SMYD3: variants seen among roughly 807,000 people sequenced by gnomAD.
SMYD3 encodes the protein SET and MYND domain containing 3.
SMYD3 carries 36 observed loss-of-function variants against 57.7 expected under a neutral mutation model. The observed-to-expected ratio is 0.62, with a 90% CI of 0.48 to 0.82. SMYD3 has a LOEUF of 0.82. Ranked by LOEUF, SMYD3 falls within the 40% of genes least tolerant of loss-of-function variation. The pLI is 0.00. For synonymous variants in SMYD3, 211 were observed against 195.0 expected, an observed-to-expected ratio of 1.08 and a Z score of -0.68; for missense variants, 515 against 538.8, an observed-to-expected ratio of 0.96 and a Z score of 0.44.
intron 1 of SMYD3, among the ~76,000 whole-genome samples, chr1:246,385,377 T>C (rs538873529): frequency 9.9e-5 from 15 of 152,176 alleles, no homozygotes; most frequent in African/African-American, 3.4e-4. Context: ...TTATTCTTAA[T>C]ACTTAAAATT....
At chr1:246,015,022 C>T (rs576669489) in intron 5 of SMYD3, among the ~76,000 whole-genome samples, 6 of 152,246 alleles carry the variant, frequency 3.9e-5, no homozygotes, top group African/African-American at 1.2e-4. Context: ...ATCTGCTTTG[C>T]GGGCCCAACA....
chr1:246,242,286 T>C (rs1272397508), intron 5 of SMYD3, among the ~76,000 whole-genome samples: 1 of 152,196 alleles, frequency 6.6e-6, no homozygotes, highest in African/African-American at 2.4e-5. Context: ...TTCTGGCATG[T>C]TGTGTCTTCG....
In SMYD3 at chr1:246,355,222, T is replaced by G; in HGVS notation, c.165-128A>C. ...TGTTTACTCCATTATGTACAGTCCC[T>G]TAAGATTTGGATTTTCACACTGATG... On this transcript the variant is annotated intron_variant, in intron 1 of 11. Transcript: ENST00000490107. This position sits in a 1 kb window ranked among gnomAD's most constrained non-coding sequence, Gnocchi z 5.0. 1 of 866,048 alleles carries G rather than the reference T, an allele frequency of 1.2e-6. No homozygotes were observed. The highest frequency in any genetic ancestry group is 1.8e-6 in the Non-Finnish European group (1 of 554,360). 53.6% of individuals were successfully genotyped at this position (866,048 alleles called of 1,614,324 possible).
intron 5 of SMYD3, among the ~76,000 whole-genome samples, chr1:246,201,131 G>A (rs753343032): frequency 2.0e-5 from 3 of 152,084 alleles, no homozygotes; most frequent in African/African-American, 4.8e-5. Flanking sequence ...TGATACCAAC[G>A]TGACAAGTAC....
chr1:246,268,390 T>C (rs1421871354), intron 5 of SMYD3, among the ~76,000 whole-genome samples: 1 of 152,102 alleles, frequency 6.6e-6, no homozygotes, highest in Non-Finnish European at 1.5e-5. Context: ...AATCCACCCC[T>C]TGTTTAGCAT....
At chr1:246,491,880 T>C (rs952068985) in intron 1 of SMYD3, among the ~76,000 whole-genome samples, 10 of 152,214 alleles carry the variant, frequency 6.6e-5, no homozygotes, top group African/African-American at 2.4e-4. Flanking sequence ...GTGACCGTGA[T>C]GGATCAAAAC....
At chr1:245,952,758 A>C (rs2057701479) in intron 5 of SMYD3, among the ~76,000 whole-genome samples, 1 of 152,232 alleles carries the variant, frequency 6.6e-6, no homozygotes, top group South Asian at 2.1e-4. Context: ...GTTTTTACTA[A>C]GCTAAAAGGA....
At chr1:246,248,635 C>CTTTTTTTTTT (rs1558348050) in intron 5 of SMYD3, among the ~76,000 whole-genome samples, 4 of 68,334 alleles carry the variant, frequency 5.9e-5, no homozygotes, top group East Asian at 3.2e-3. Flanking sequence ...CTCTGACTTT[C>CTTTTTTTTTT]CTTTTTTTTT....
At chr1:245,845,963 C>T (rs1304974285) in intron 10 of SMYD3, among the ~76,000 whole-genome samples, 3 of 152,232 alleles carry the variant, frequency 2.0e-5, no homozygotes, top group Admixed American at 6.5e-5. Context: ...TCATCTCCCT[C>T]GGTCCAGGCA....
chr1:246,163,403 A>C (rs2062154534), intron 5 of SMYD3, among the ~76,000 whole-genome samples: 1 of 152,188 alleles, frequency 6.6e-6, no homozygotes, highest in Non-Finnish European at 1.5e-5. Flanking sequence ...TCTTTAACCA[A>C]GTTCTACTTT....
At chr1:246,083,214 C>G (rs2787954) in intron 5 of SMYD3, among the ~76,000 whole-genome samples, 115,714 of 146,520 alleles carry the variant, frequency 0.79, 45,919 homozygotes, top group Admixed American at 0.86. Context: ...GGAATGTCTC[C>G]GTGTAAAACC....
At chr1:246,347,523 T>G (rs181582442) in intron 2 of SMYD3, among the ~76,000 whole-genome samples, 1 of 152,206 alleles carries the variant, frequency 6.6e-6, no homozygotes, top group East Asian at 1.9e-4. Flanking sequence ...TCTGAAAATC[T>G]CAAAACACTT....
At chr1:246,480,955 C>T (rs1346668541) in intron 1 of SMYD3, among the ~76,000 whole-genome samples, 1 of 152,038 alleles carries the variant, frequency 6.6e-6, no homozygotes, top group Non-Finnish European at 1.5e-5. Context: ...TGTGCCACCA[C>T]ACCCAGCTAA....
intron 5 of SMYD3, chr1:246,052,551 T>C (rs1320824761): frequency 6.6e-6 from 1 of 152,252 alleles, no homozygotes; most frequent in African/African-American, 2.4e-5. Flanking sequence ...CATCCACAGA[T>C]ACATCTATCC....
intron 8 of SMYD3, 151 bp downstream of exon 8, chr1:245,915,379 T>C (rs928047138): frequency 1.3e-5 from 6 of 471,964 alleles, no homozygotes; most frequent in Middle Eastern, 4.8e-4. Flanking sequence ...GGAAACAAAA[T>C]ATATGCAGTT....
At chr1:246,215,211 A>T (rs192178309) in intron 5 of SMYD3, among the ~76,000 whole-genome samples, 1 of 152,252 alleles carries the variant, frequency 6.6e-6, no homozygotes, top group Admixed American at 6.5e-5. Flanking sequence ...ACAGTTTCGC[A>T]ATCTCTTCAC....
At chr1:245,973,693 A>G (rs2058356510) in intron 5 of SMYD3, among the ~76,000 whole-genome samples, 1 of 152,226 alleles carries the variant, frequency 6.6e-6, no homozygotes. Flanking sequence ...TCCAAGGAGC[A>G]TCAGACCATC....
At chr1:246,073,852 C>T (rs371085764) in intron 5 of SMYD3, among the ~76,000 whole-genome samples, 2 of 152,098 alleles carry the variant, frequency 1.3e-5, no homozygotes, top group African/African-American at 4.8e-5. Context: ...GAAAGCACAA[C>T]GCCAGATACT....
chr1:245,869,753 A>AC (rs1462012680), intron 8 of SMYD3, among the ~76,000 whole-genome samples: 1 of 152,026 alleles, frequency 6.6e-6, no homozygotes, highest in African/African-American at 2.4e-5. Flanking sequence ...ACTTCACTGC[A>AC]CCCACTCTTC....
Sources: gnomAD v4.1 joint callset for allele counts (sites outside exome capture counted in the v4.1 genomes callset) on GRCh38, gnomAD v4.1.1 for gene constraint, Gnocchi (gnomAD v3.1) non-coding constraint, MANE v1.5 for transcripts, NCBI Gene and HGNC (gene_info 2026-07-23, HGNC 2026-07-21) for gene names.